RARB: variants seen among roughly 807,000 people sequenced by gnomAD.
The protein encoded by RARB is HBV-activated protein.
In RARB, 17 loss-of-function variants were observed where a neutral mutation model predicts 51.9. The ratio of observed to expected loss-of-function variants is 0.33; its 90% CI spans 0.22 to 0.49. RARB has a LOEUF of 0.49. RARB is among the 20% of genes least tolerant of loss of function. The pLI is 0.99. For missense variants in RARB, 369 were observed against 550.8 expected, an observed-to-expected ratio of 0.67 and a Z score of 3.30; for synonymous variants, 215 against 195.4, an observed-to-expected ratio of 1.10 and a Z score of -0.84.
intron 2 of RARB, chr3:24,858,816 C>T (rs1483465756): frequency 6.6e-6 from 1 of 151,882 alleles, no homozygotes; most frequent in Non-Finnish European, 1.5e-5. Flanking sequence ...GCAGGTGGAT[C>T]ATTTGAGGTT....
chr3:25,504,635 AGTGCTGTTCCC>A (rs1363373060), intron 3 of RARB, among the ~76,000 whole-genome samples: 2 of 152,138 alleles, frequency 1.3e-5, no homozygotes, highest in Non-Finnish European at 2.9e-5. Flanking sequence ...CAGGTCCCAC[AGTGCTGTTCCC>A]AAGGCACTCT....
At chr3:25,584,928 CA>C (rs1437054946) in intron 5 of RARB, among the ~76,000 whole-genome samples, 1 of 152,016 alleles carries the variant, frequency 6.6e-6, no homozygotes. Context: ...ACTTTTGCCA[CA>C]GTATTTATCT....
At chr3:25,493,534 A>G (rs1216892446) in intron 2 of RARB, among the ~76,000 whole-genome samples, 1 of 152,324 alleles carries the variant, frequency 6.6e-6, no homozygotes, top group East Asian at 1.9e-4. Flanking sequence ...GCATGGCTGA[A>G]TGACTACCTG....
intron 3 of RARB, among the ~76,000 whole-genome samples, chr3:25,109,724 C>T (rs1328451763): frequency 2.0e-5 from 3 of 152,180 alleles, no homozygotes; most frequent in Admixed American, 2.0e-4. Context: ...AGGTTTGCTT[C>T]CCTTTCCGTG....
intron 5 of RARB, among the ~76,000 whole-genome samples, chr3:25,390,488 GC>G (rs1156812478): frequency 6.6e-6 from 1 of 152,134 alleles, no homozygotes; most frequent in East Asian, 1.9e-4. Context: ...TGTTATAGCA[GC>G]CCAAATGGAC....
intron 5 of RARB, among the ~76,000 whole-genome samples, chr3:25,401,071 A>C (rs1271803329): frequency 6.6e-6 from 1 of 152,130 alleles, no homozygotes; most frequent in African/African-American, 2.4e-5. Context: ...GCAAAAGAAA[A>C]GTTGCCAAAA....
chr3:24,904,483 A>C (rs1694805613), intron 2 of RARB, among the ~76,000 whole-genome samples: 1 of 152,228 alleles, frequency 6.6e-6, no homozygotes, highest in Non-Finnish European at 1.5e-5. Flanking sequence ...CACCAGTTAG[A>C]ATGGCGATCA....
intron 2 of RARB, among the ~76,000 whole-genome samples, chr3:24,981,509 A>G (rs1696672530): frequency 6.6e-6 from 1 of 151,854 alleles, no homozygotes; most frequent in Admixed American, 6.6e-5. Flanking sequence ...CCCTCCCCCC[A>G]CCACACTTCA....
chr3:24,941,275 T>C (rs568081123), intron 2 of RARB, among the ~76,000 whole-genome samples: 114 of 152,284 alleles, frequency 7.5e-4, no homozygotes, highest in African/African-American at 2.5e-3. Flanking sequence ...TAACTTTGGG[T>C]TGACAATTTT....
rs146757345 is a variant in RARB, at chr3:25,593,636, A to C, written c.920A>C (p.Asn307Thr). Reference sequence around the variant, plus strand: ...ACTGACCTTGTGTTCACCTTTGCCAACCAGCTCCTGCCTTTGGAAATGGAT... The same window carrying C: ...ACTGACCTTGTGTTCACCTTTGCCACCCAGCTCCTGCCTTTGGAAATGGAT... The part of the protein sequence containing the change: ...PLTDLVFTFA[N>T]QLLPLEMDDT... Residue 307 changes from asparagine (N) to threonine (T), a missense_variant, in exon 6 of 8, where the codon AAC becomes ACC. Physicochemically the swap from Asn to Thr is moderately conservative, Grantham distance 65. Coordinates refer to ENST00000330688, the MANE Select transcript of RARB (RefSeq NM_000965.5). 7.8e-4 allele frequency: 1,251 copies of C among 1,614,018 alleles called. 2 individuals carry two copies. The highest frequency in any genetic ancestry group is 7.8e-4 in the Non-Finnish European group (925 of 1,180,010).
intron 5 of RARB, among the ~76,000 whole-genome samples, chr3:25,318,369 G>A (rs781071398): frequency 7.2e-5 from 11 of 152,106 alleles, no homozygotes; most frequent in Non-Finnish European, 1.3e-4. Context: ...GGAATATAGT[G>A]GCTAATGTGT....
intron 5 of RARB, among the ~76,000 whole-genome samples, chr3:25,393,865 T>C (rs937670408): frequency 1.4e-4 from 22 of 152,104 alleles, no homozygotes; most frequent in African/African-American, 5.3e-4. Context: ...AGAACTAGCT[T>C]TTTGTTTTTT....
At chr3:25,214,149 T>C (rs1256952006) in intron 5 of RARB, among the ~76,000 whole-genome samples, 1 of 152,144 alleles carries the variant, frequency 6.6e-6, no homozygotes, top group African/African-American at 2.4e-5. Context: ...AAAAGCAGCA[T>C]TTTGAAAGTT....
chr3:25,053,537 C>T (rs887037995), intron 2 of RARB, among the ~76,000 whole-genome samples: 13 of 152,146 alleles, frequency 8.5e-5, no homozygotes, highest in Non-Finnish European at 1.3e-4. Flanking sequence ...GAACTTTGAA[C>T]TTTGGTTTAA....
At chr3:25,257,234 C>G (rs13082854) in intron 5 of RARB, among the ~76,000 whole-genome samples, 1,734 of 152,138 alleles carry the variant, frequency 0.011, 14 homozygotes, top group Non-Finnish European at 0.02. Context: ...TGCTGATGAA[C>G]CACACTTGGA....
At chr3:25,292,345 G>C (rs1703809683) in intron 5 of RARB, among the ~76,000 whole-genome samples, 1 of 152,170 alleles carries the variant, frequency 6.6e-6, no homozygotes, top group African/African-American at 2.4e-5. Context: ...CGATGTCACA[G>C]AGTCTAAAGG....
chr3:25,434,443 T>C (rs924214646), intron 1 of RARB, among the ~76,000 whole-genome samples: 6 of 151,844 alleles, frequency 4.0e-5, no homozygotes, highest in African/African-American at 1.5e-4. Flanking sequence ...GATCACCAAA[T>C]ATCATCCACT....
intron 5 of RARB, among the ~76,000 whole-genome samples, chr3:25,332,516 G>A (rs1028218952): frequency 6.6e-6 from 1 of 152,100 alleles, no homozygotes; most frequent in Non-Finnish European, 1.5e-5. Flanking sequence ...GGTATTGATG[G>A]GATGTATCTC....
At chr3:24,870,515 T>G (rs1702926749) in intron 2 of RARB, among the ~76,000 whole-genome samples, 1 of 152,156 alleles carries the variant, frequency 6.6e-6, no homozygotes, top group African/African-American at 2.4e-5. Context: ...GTTTAATATT[T>G]CTTTATACTA....
Sources: gnomAD v4.1 joint callset for allele counts (sites outside exome capture counted in the v4.1 genomes callset) on GRCh38, gnomAD v4.1.1 for gene constraint, MANE v1.5 for transcripts, NCBI Gene and HGNC (gene_info 2026-07-23, HGNC 2026-07-21) for gene names.